The following RCOR3 variants were observed in gnomAD, a reference collection of about 807,000 sequenced individuals.
The protein encoded by RCOR3 is REST corepressor 3.
A neutral mutation model predicts 64.1 loss-of-function variants in RCOR3; 13 were observed. That is an observed-to-expected ratio of 0.20 (90% CI 0.13 to 0.32). RCOR3 has a LOEUF of 0.32. Among genes scored for constraint, RCOR3 ranks in the 10% least tolerant of loss-of-function variants. RCOR3 has a pLI of 1.00. For synonymous variants in RCOR3, 215 were observed against 239.0 expected (o/e 0.90, Z 0.93); for missense variants, 489 against 701.2 (o/e 0.70, Z 3.42).
intron 10 of RCOR3, among the ~76,000 whole-genome samples, chr1:211,307,292 C>T (rs1359429729): frequency 6.6e-6 from 1 of 151,970 alleles, no homozygotes; most frequent in Non-Finnish European, 1.5e-5. Context: ...AGTTCAAGAC[C>T]AGCCTGGCAA....
At chr1:211,264,128 G>C (rs1031806296) in intron 2 of RCOR3, among the ~76,000 whole-genome samples, 1 of 152,078 alleles carries the variant, frequency 6.6e-6, no homozygotes, top group Non-Finnish European at 1.5e-5. Flanking sequence ...CTGCCAAAAA[G>C]ATATTTATTA....
chr1:211,271,899 C>A (rs1301278011), intron 3 of RCOR3: 1 of 162,784 alleles, frequency 6.1e-6, no homozygotes. Flanking sequence ...ATACCCACCC[C>A]TCCATTCAGT....
intron 7 of RCOR3, among the ~76,000 whole-genome samples, chr1:211,279,820 C>T (rs910111386): frequency 7.9e-5 from 12 of 152,186 alleles, no homozygotes; most frequent in Non-Finnish European, 1.3e-4. Flanking sequence ...CCCATTTCCC[C>T]ATTCCTTTAA....
At chr1:211,262,553 T>C (rs1178470457) in intron 2 of RCOR3, among the ~76,000 whole-genome samples, 1 of 152,174 alleles carries the variant, frequency 6.6e-6, no homozygotes, top group Non-Finnish European at 1.5e-5. Context: ...TTAATAAACA[T>C]ACCTATATTT....
At chr1:211,299,333 C>T (rs1036297769) in intron 9 of RCOR3, among the ~76,000 whole-genome samples, 26 of 152,032 alleles carry the variant, frequency 1.7e-4, no homozygotes, top group African/African-American at 5.6e-4. Flanking sequence ...TTGAGGGTGT[C>T]GCTGGCATGT....
At chr1:211,307,265 G>T (rs1700935317) in intron 10 of RCOR3, among the ~76,000 whole-genome samples, 1 of 152,122 alleles carries the variant, frequency 6.6e-6, no homozygotes, top group South Asian at 2.1e-4. Flanking sequence ...GAGGTAGGTG[G>T]ATCACTTGAG....
rs1362888058 is a variant in RCOR3 at position 211,316,364 on chromosome 1, A to G, written c.*2596A>G. The G allele has an allele frequency of 6.6e-6, 1 of 152,260 alleles. No homozygotes were observed. The highest frequency in any genetic ancestry group is 1.5e-5 in the Non-Finnish European group (1 of 68,048). The allele number at this position is 152,260 out of a possible 1,614,324, so 9.4% of individuals were successfully genotyped here. A position where few individuals can be genotyped will look rare whatever the true frequency, so the allele number is the denominator to read the frequency against. ...GCAATTGAGTAAAATAGAATATAAA[A>G]TAAAGGTGAAATAATATAAAATTTT... On this transcript the variant is annotated 3_prime_UTR_variant, in exon 12 of 12. Transcript: ENST00000419091.
intron 9 of RCOR3, among the ~76,000 whole-genome samples, chr1:211,298,487 C>G (rs1700059481): frequency 6.6e-6 from 1 of 152,136 alleles, no homozygotes; most frequent in African/African-American, 2.4e-5. Flanking sequence ...CAGGTATTCC[C>G]TGAGCACTTA....
intron 6 of RCOR3, among the ~76,000 whole-genome samples, chr1:211,278,878 C>A (rs1014559997): frequency 6.6e-6 from 1 of 151,976 alleles, no homozygotes; most frequent in Non-Finnish European, 1.5e-5. Flanking sequence ...TTGATAAGAG[C>A]ACTAGAATAC....
chr1:211,311,993 C>T (rs1375912865), intron 10 of RCOR3, among the ~76,000 whole-genome samples: 3 of 152,116 alleles, frequency 2.0e-5, no homozygotes, highest in African/African-American at 4.8e-5. Flanking sequence ...CACAAGTGCT[C>T]TTCAGGTAGT....
At chr1:211,299,214 G>A (rs938275736) in intron 9 of RCOR3, among the ~76,000 whole-genome samples, 1 of 152,152 alleles carries the variant, frequency 6.6e-6, no homozygotes, top group Non-Finnish European at 1.5e-5. Flanking sequence ...AATGATAAAG[G>A]GGTATCAGTA....
intron 9 of RCOR3, among the ~76,000 whole-genome samples, chr1:211,296,718 A>C (rs1222869176): frequency 6.6e-6 from 1 of 152,200 alleles, no homozygotes; most frequent in Non-Finnish European, 1.5e-5. Flanking sequence ...AGTGAAAAAT[A>C]ATACAAAGAC....
chr1:211,295,727 G>A lies in RCOR3; in HGVS notation c.991G>A (p.Gly331Arg). ...TGCACTTAAACAGAAAATGGAAGGT[G>A]GAATTGAAGAATTCAAACCTCCTGA... ...NSALKQKMEG[G>R]IEEFKPPESN... The change falls in exon 9 of 12, where the codon GGA becomes AGA. Residue 331 changes from glycine to arginine, a missense_variant. Physicochemically the swap from Gly to Arg is moderately radical, Grantham distance 125. Transcript: ENST00000419091. The A allele has an allele frequency of 6.2e-7, 1 of 1,613,296 alleles. No individual in the cohort carries two copies. Among genetic ancestry groups the A allele is most frequent in the Non-Finnish European group, 8.5e-7 (1 of 1,179,642 alleles).
chr1:211,259,924 G>GCCCCCCCCCCCCC, intron 1 of RCOR3, 184 bp from the exon 2 acceptor site: 4 of 459,852 alleles, frequency 8.7e-6, no homozygotes, highest in Non-Finnish European at 9.6e-6. Context: ...CTCCGCCTTT[G>GCCCCCCCCCCCCC]CCCCCCCCCG....
intron 2 of RCOR3, among the ~76,000 whole-genome samples, chr1:211,264,655 C>A (rs546138764): frequency 2.0e-5 from 3 of 152,050 alleles, no homozygotes; most frequent in African/African-American, 4.8e-5. Context: ...CTGTACTATA[C>A]CCTGGGTGAC....
intron 9 of RCOR3, among the ~76,000 whole-genome samples, chr1:211,300,722 A>G (rs1305640753): frequency 6.6e-6 from 1 of 152,244 alleles, no homozygotes; most frequent in Non-Finnish European, 1.5e-5. Flanking sequence ...AAAAGAGAGA[A>G]AGAATATTTA....
At chr1:211,290,568 C>T (rs532426564) in intron 8 of RCOR3, among the ~76,000 whole-genome samples, 5 of 151,872 alleles carry the variant, frequency 3.3e-5, no homozygotes, top group African/African-American at 4.8e-5. Context: ...TGTAGAGAAA[C>T]GTTCTTGCTA....
At chr1:211,287,866 A>C (rs1247934895) in intron 7 of RCOR3, among the ~76,000 whole-genome samples, 1 of 151,990 alleles carries the variant, frequency 6.6e-6, no homozygotes, top group Non-Finnish European at 1.5e-5. Context: ...GGACCAAAAA[A>C]AAAATTTTTT....
intron 9 of RCOR3, among the ~76,000 whole-genome samples, chr1:211,300,291 A>T (rs1321492429): frequency 6.6e-6 from 1 of 151,548 alleles, no homozygotes; most frequent in Non-Finnish European, 1.5e-5. Flanking sequence ...GCTGGTCTCA[A>T]ACTCCTGGGC....
Sources: allele counts gnomAD v4.1 joint callset (sites outside exome capture counted in the v4.1 genomes callset), GRCh38; gene constraint gnomAD v4.1.1; transcripts MANE v1.5; gene names NCBI Gene and HGNC (gene_info 2026-07-23, HGNC 2026-07-21).